LAMA4: variants seen among roughly 807,000 people sequenced by gnomAD.
LAMA4 encodes laminin subunit alpha-4.
Under a neutral mutation model 207.1 loss-of-function variants are expected in LAMA4, and 127 were observed. The observed-to-expected ratio is 0.61, with a 90% CI of 0.53 to 0.71. The LOEUF (loss-of-function observed/expected upper bound fraction) is 0.71, where lower values mean the gene tolerates loss of function less well. Among genes scored for constraint, LAMA4 ranks in the 30% least tolerant of loss-of-function variants. LAMA4 has a pLI of 0.00. For synonymous variants in LAMA4, 761 were observed against 816.0 expected (o/e 0.93, Z 1.15); for missense variants, 2,093 against 2,246.5 (o/e 0.93, Z 1.38).
In LAMA4 at chr6:112,120,422, A is replaced by G. The variant is rs1583640961; in HGVS notation, c.4526T>C (p.Phe1509Ser). The G allele has an allele frequency of 1.9e-6, 3 of 1,613,984 alleles. No homozygotes were observed. The East Asian group carries it at 6.7e-5, about 36-fold the overall frequency. The change falls in exon 33 of 39, where the codon TTC (phenylalanine) becomes TCC (serine). Residue 1509 changes from phenylalanine to serine, a missense_variant. Phe to Ser is a radical substitution (Grantham distance 155). Coordinates refer to ENST00000230538, the MANE Select transcript of LAMA4 (RefSeq NM_001105206.3). Reference protein sequence around the residue: ...LRTRSSHGMIFYVSDQEENDF... With the variant: ...LRTRSSHGMISYVSDQEENDF... ...ATTCTCTTCTTGATCTGAGACATAG[A>G]AGATCATGCCATGGGAGGAACGAGT...
chr6:112,117,930 T>G lies in LAMA4; in HGVS notation c.4822-32A>C. ...GAAGAAGATATTTCTTAAAATCAAT[T>G]TTCTCAACACAAATGCACCAAGGGG... On this transcript the variant is annotated intron_variant, in intron 34 of 38. Transcript: ENST00000230538. This position sits in a 1 kb window ranked among gnomAD's most constrained non-coding sequence, Gnocchi z 4.5. The G allele has an allele frequency of 1.2e-6, 2 of 1,602,360 alleles. No homozygotes were observed. The highest frequency in any genetic ancestry group is 3.3e-5 in the Admixed American group (2 of 59,826).
intron 16 of LAMA4, among the ~76,000 whole-genome samples, chr6:112,151,520 A>T (rs1780403488): frequency 6.6e-6 from 1 of 152,040 alleles, no homozygotes; most frequent in South Asian, 2.1e-4. Context: ...TATGGTATTT[A>T]TTTATCATTT....
intron 33 of LAMA4, among the ~76,000 whole-genome samples, chr6:112,119,582 C>T (rs1778225870): frequency 1.3e-5 from 2 of 152,176 alleles, no homozygotes; most frequent in South Asian, 4.1e-4. Context: ...GAGCTGTCTC[C>T]AGGCCCCTTT....
chr6:112,174,701 C>T (rs989056688), intron 11 of LAMA4, among the ~76,000 whole-genome samples: 8 of 152,310 alleles, frequency 5.3e-5, no homozygotes, highest in Non-Finnish European at 1.2e-4. Flanking sequence ...CCACACTGGC[C>T]AGGCTGGTCT....
At chr6:112,178,569 T>G (rs1397935377) in intron 9 of LAMA4, 1 of 311,686 alleles carries the variant, frequency 3.2e-6, no homozygotes, top group Non-Finnish European at 6.1e-6. Flanking sequence ...CTTTTATCCC[T>G]CCCCACTCCA....
intron 12 of LAMA4, among the ~76,000 whole-genome samples, chr6:112,168,556 G>C (rs1781533161): frequency 1.3e-5 from 2 of 151,738 alleles, no homozygotes; most frequent in East Asian, 1.9e-4. Flanking sequence ...ATGTTGACTG[G>C]GCTGATCTTG....
intron 6 of LAMA4, among the ~76,000 whole-genome samples, chr6:112,189,662 G>A (rs1322851118): frequency 1.3e-5 from 2 of 152,160 alleles, no homozygotes; most frequent in Non-Finnish European, 2.9e-5. Context: ...GCTTAGCAAG[G>A]AGTGAGTGAG....
At chr6:112,179,351 G>C (rs1782209065) in intron 9 of LAMA4, 1 of 152,296 alleles carries the variant, frequency 6.6e-6, no homozygotes, top group South Asian at 2.1e-4. Flanking sequence ...ACACCACCCT[G>C]TATGCACAGC....
At chr6:112,141,052 C>A in intron 21 of LAMA4, 130 bp from the exon 22 acceptor site, 1 of 801,944 alleles carries the variant, frequency 1.2e-6, no homozygotes. Context: ...TTACAAAATA[C>A]CACAATCAAT....
intron 2 of LAMA4, among the ~76,000 whole-genome samples, chr6:112,247,391 G>C (rs1787032937): frequency 6.6e-6 from 1 of 152,094 alleles, no homozygotes; most frequent in Non-Finnish European, 1.5e-5. Flanking sequence ...TAAAGCAGAG[G>C]CTGCAAATAA....
At chr6:112,130,092 G>GGGTCAAGGTAAA in intron 29 of LAMA4, 52 bp from the exon 30 acceptor site, 1 of 1,503,904 alleles carries the variant, frequency 6.6e-7, no homozygotes, top group Non-Finnish European at 9.2e-7. Flanking sequence ...ATTTTACCTT[G>GGGTCAAGGTAAA]ACCCACTCTA....
intron 2 of LAMA4, among the ~76,000 whole-genome samples, chr6:112,248,435 G>C (rs1787166695): frequency 6.8e-6 from 1 of 147,814 alleles, no homozygotes; most frequent in Admixed American, 6.9e-5. Flanking sequence ...GGAGGCAGAG[G>C]TTGCAGCGAG....
chr6:112,218,657 T>G (rs1456345777), intron 2 of LAMA4: 2 of 152,132 alleles, frequency 1.3e-5, no homozygotes, highest in Non-Finnish European at 2.9e-5. Context: ...TGTGCCAAGT[T>G]TAGGAGGAGA....
In LAMA4 at chr6:112,178,159, A is replaced by AGCT; in HGVS notation, c.1148_1150dup (p.Gln383dup). The AGCT allele has an allele frequency of 6.2e-7, 1 of 1,613,932 alleles. No individual in the cohort carries two copies. The highest frequency in any genetic ancestry group is 2.2e-5 in the East Asian group (1 of 44,870). Reference sequence around the variant, plus strand: ...CCTCATATCATGGGCTTGCTCTACCAGCTGACTTGCGTGGTTAATGGTGTC... The same window carrying AGCT: ...CCTCATATCATGGGCTTGCTCTACCAGCTGCTGACTTGCGTGGTTAATGGTGTC... On this transcript the variant is annotated inframe_insertion, in exon 10 of 39. Transcript: ENST00000230538.
intron 2 of LAMA4, chr6:112,251,576 CTCTCTCCA>C (rs1787455670): frequency 6.6e-6 from 1 of 152,270 alleles, no homozygotes; most frequent in Non-Finnish European, 1.5e-5. Context: ...TGTTCTCTTT[CTCTCTCCA>C]CATATACACA....
At chr6:112,142,900 A>C (rs1162773751) in intron 19 of LAMA4, among the ~76,000 whole-genome samples, 1 of 152,196 alleles carries the variant, frequency 6.6e-6, no homozygotes, top group East Asian at 1.9e-4. Context: ...ATTTGTTGTG[A>C]GCATGAAATA....
At position 112,139,793 on chromosome 6, in the gene LAMA4, G is replaced by A; in HGVS notation, c.3069C>T (p.His1023=). ...ATGTGGAGGGGTCCATATTATAGAT[G>A]TGCTTAAAGTTGTACAAGCTGATCA... ...NDVISLYNFK[H]IYNMDPSTSV... The change falls in exon 23 of 39, where the codon CAC becomes CAT. Residue 1023 remains histidine, a synonymous_variant. Coordinates refer to ENST00000230538, the MANE Select transcript of LAMA4 (RefSeq NM_001105206.3). 1 of 1,614,050 alleles carries A rather than the reference G, an allele frequency of 6.2e-7. No homozygotes were observed. The highest frequency in any genetic ancestry group is 1.1e-5 in the South Asian group (1 of 91,074).
Position 112,145,057 on chromosome 6 carries a change from AAATT to A in LAMA4, c.2354-128_2354-125del. 4.2e-6 allele frequency: 4 copies of A among 948,830 alleles called. No individual in the cohort carries two copies. The South Asian group carries it at 5.7e-5, about 14-fold the overall frequency. 58.8% of individuals were successfully genotyped at this position (948,830 alleles called of 1,614,324 possible). ...AAGAGAAATGATTTTTAATCCTGCA[AAATT>A]AATAGTAAAACCTGTAAGGTACACA... On this transcript the variant is annotated intron_variant, in intron 18 of 38. Transcript: ENST00000230538.
At chr6:112,202,617 G>C (rs1783823230) in intron 4 of LAMA4, among the ~76,000 whole-genome samples, 1 of 152,090 alleles carries the variant, frequency 6.6e-6, no homozygotes, top group Admixed American at 6.6e-5. Flanking sequence ...TTATTTGTTT[G>C]AAGACACTTA....
Sources: gnomAD v4.1 joint callset for allele counts (sites outside exome capture counted in the v4.1 genomes callset) on GRCh38, gnomAD v4.1.1 for gene constraint, Gnocchi (gnomAD v3.1) non-coding constraint, MANE v1.5 for transcripts, NCBI Gene and HGNC (gene_info 2026-07-23, HGNC 2026-07-21) for gene names.